Variants in SPATC1 observed in about 807,000 individuals in gnomAD.
The protein encoded by SPATC1 is speriolin.
Under a neutral mutation model 36.5 loss-of-function variants are expected in SPATC1, and 35 were observed. The observed-to-expected ratio is 0.96, with a 90% confidence interval of 0.73 to 1.27. The LOEUF is 1.27. SPATC1 is among the 50% of genes most tolerant of loss of function. The pLI is 0.00. For missense variants in SPATC1, 779 were observed against 796.0 expected (o/e 0.98, Z 0.26); for synonymous variants, 361 against 353.6 (o/e 1.02, Z -0.24).
At chr8:144,011,157 A>C (rs1834279023), upstream of SPATC1, among the ~76,000 whole-genome samples, 1 of 152,116 alleles carries the variant, frequency 6.6e-6, no homozygotes, top group Non-Finnish European at 1.5e-5. The surrounding 1 kb of genome is among the most constrained non-coding windows in gnomAD (Gnocchi z 4.5). Context: ...AAATGTAACC[A>C]TCACTGACTG....
chr8:144,012,484 C>G lies in SPATC1; in HGVS notation c.-32C>G. On this transcript the variant is annotated 5_prime_UTR_variant, in exon 1 of 5. Coordinates refer to ENST00000377470, the MANE Select transcript of SPATC1 (RefSeq NM_198572.3). ...GCAGCCTCCAGGTGCAGTGCCCTCC[C>G]GTGGGCCGCACCCTTGCCACTGCCC... 6.5e-7 allele frequency: 1 copy of G among 1,544,790 alleles called. No homozygotes were observed. Among genetic ancestry groups the G allele is most frequent in the East Asian group, 2.4e-5 (1 of 40,890 alleles).
At chr8:144,024,220 C>G (rs1036718141) in intron 1 of SPATC1, among the ~76,000 whole-genome samples, 3 of 149,730 alleles carry the variant, frequency 2.0e-5, no homozygotes, top group Non-Finnish European at 4.5e-5. Context: ...ACCCTCTACC[C>G]TCAGGATGCT....
At chr8:144,035,104 G>A (rs1187475716) in intron 1 of SPATC1, among the ~76,000 whole-genome samples, 2 of 152,156 alleles carry the variant, frequency 1.3e-5, no homozygotes, top group Admixed American at 1.3e-4. Context: ...GTTGTGCCAA[G>A]GTTTTATCAT....
chr8:144,033,301 G>T (rs1412671230), intron 1 of SPATC1, among the ~76,000 whole-genome samples: 1 of 152,024 alleles, frequency 6.6e-6, no homozygotes, highest in Non-Finnish European at 1.5e-5. Flanking sequence ...GGGAGGCTGA[G>T]ACTGGAGAAT....
intron 3 of SPATC1, 61 bp downstream of exon 3, chr8:144,041,168 C>G: frequency 6.3e-7 from 1 of 1,598,736 alleles, no homozygotes. Flanking sequence ...TGCCGCCTGC[C>G]TGGGCTGCTG....
intron 1 of SPATC1, among the ~76,000 whole-genome samples, chr8:144,029,118 A>C (rs1005059937): frequency 5.9e-5 from 8 of 136,726 alleles, no homozygotes; most frequent in Admixed American, 2.3e-4. Flanking sequence ...TACTTGGGTG[A>C]TGTGTTGATA....
intron 1 of SPATC1, among the ~76,000 whole-genome samples, chr8:144,014,374 AGAG>A (rs1156742475): frequency 6.4e-5 from 9 of 141,028 alleles, no homozygotes; most frequent in African/African-American, 1.1e-4. Flanking sequence ...GAAGGAAAAG[AGAG>A]GAGGAGGAGG....
chr8:144,016,797 G>T lies in SPATC1; in HGVS notation c.211+4071G>T, dbSNP rs551054337. Reference sequence around the variant, plus strand: ...ACTACGGGCATGCACCAGCACACCCGGCTAATTTTGTATTTTGTTAGTAGA... The same window carrying T: ...ACTACGGGCATGCACCAGCACACCCTGCTAATTTTGTATTTTGTTAGTAGA... On this transcript the variant is annotated intron_variant, in intron 1 of 4. Transcript: ENST00000377470. The surrounding 1 kb of genome is among the most constrained non-coding windows in gnomAD (Gnocchi z 4.5). Among the ~76,000 whole-genome samples the T allele has an allele frequency of 6.6e-6, 1 of 152,106 alleles. No individual in the cohort carries two copies. The highest frequency in any genetic ancestry group is 1.9e-4 in the East Asian group (1 of 5,178).
At chr8:144,015,344 C>T (rs1554753031) in intron 1 of SPATC1, among the ~76,000 whole-genome samples, 1 of 151,296 alleles carries the variant, frequency 6.6e-6, no homozygotes, top group Admixed American at 6.6e-5. Context: ...AGCCACCACG[C>T]CCAGCACAGG....
intron 1 of SPATC1, among the ~76,000 whole-genome samples, chr8:144,026,405 G>A (rs941863726): frequency 6.6e-6 from 1 of 152,070 alleles, no homozygotes; most frequent in Non-Finnish European, 1.5e-5. Context: ...GAATAATGCC[G>A]CTATGAACAT....
In SPATC1 at chr8:144,042,311, ATTTTTT is replaced by A. The variant is rs1184651892; in HGVS notation, c.1446+960_1446+965del. 2.1e-3 allele frequency among the ~76,000 whole-genome samples: 50 copies of A among 23,864 alleles called. 2 individuals carry two copies. The Admixed American group carries it at 0.029, about 14-fold the overall frequency. 15.7% of individuals were successfully genotyped at this position (23,864 alleles called of 152,430 possible). ...TATATATATATATATATATATATAT[ATTTTTT>A]TTTTTTTTTTTTTTTTTTTGAGTTG... On this transcript the variant is annotated intron_variant, in intron 4 of 4. Transcript: ENST00000377470.
In SPATC1 at chr8:144,031,450, CTTT is replaced by C. The variant is rs1176896425; in HGVS notation, c.212-8442_212-8440del. On this transcript the variant is annotated intron_variant, in intron 1 of 4. Coordinates refer to ENST00000377470, the MANE Select transcript of SPATC1 (RefSeq NM_198572.3). ...CTTGCTGCTATCAAGATTTTTTTTTCTTTTTTTTTTTTTTTTTTTAGAGAGATA... is the reference window on the plus strand; with the variant it reads ...CTTGCTGCTATCAAGATTTTTTTTTCTTTTTTTTTTTTTTTTAGAGAGATA... 4.7e-3 allele frequency among the ~76,000 whole-genome samples: 543 copies of C among 116,682 alleles called. 4 individuals carry two copies. The highest frequency in any genetic ancestry group is 0.017 in the African/African-American group (525 of 31,128). The allele number at this position is 116,682 out of a possible 152,430, so 76.5% of individuals were successfully genotyped here. A position where few individuals can be genotyped will look rare whatever the true frequency, so the allele number is the denominator to read the frequency against.
rs1287186962 is a variant in SPATC1 at position 144,016,019 on chromosome 8, G to A, written c.211+3293G>A. Among the ~76,000 whole-genome samples the A allele has an allele frequency of 2.1e-5, 3 of 146,128 alleles. No individual in the cohort carries two copies. The highest frequency in any genetic ancestry group is 7.7e-5 in the African/African-American group (3 of 39,186). ...GGAGCTTGCAGTGAGCAGAGATGGC[G>A]CCACTGCACTCCAGCCTGGGCTGGA... On this transcript the variant is annotated intron_variant, in intron 1 of 4. Coordinates refer to ENST00000377470, the MANE Select transcript of SPATC1 (RefSeq NM_198572.3). This position sits in a 1 kb window ranked among gnomAD's most constrained non-coding sequence, Gnocchi z 4.5.
intron 1 of SPATC1, 40 bp downstream of exon 1, chr8:144,012,766 G>A: frequency 6.5e-7 from 1 of 1,546,652 alleles, no homozygotes; most frequent in South Asian, 1.2e-5. Flanking sequence ...GAGGGAAGTG[G>A]GGACTGCACC....
At chr8:144,038,057 G>GT (rs1257607276) in intron 1 of SPATC1, among the ~76,000 whole-genome samples, 39 of 151,866 alleles carry the variant, frequency 2.6e-4, no homozygotes, top group African/African-American at 8.9e-4. Context: ...AACCCCGGGG[G>GT]GCGGAGCCTT....
intron 1 of SPATC1, among the ~76,000 whole-genome samples, chr8:144,015,097 T>A (rs1554752988): frequency 6.6e-6 from 1 of 152,042 alleles, no homozygotes; most frequent in East Asian, 1.9e-4. Context: ...TGGAGTGCAG[T>A]GGCACAATAT....
At position 144,015,088 on chromosome 8, in the gene SPATC1, G is replaced by A. The variant is rs1834357330; in HGVS notation, c.211+2362G>A. Among the ~76,000 whole-genome samples, 4 of 151,476 alleles carry A rather than the reference G, an allele frequency of 2.6e-5. No individual in the cohort carries two copies. In the South Asian group the frequency reaches 8.4e-4, roughly 32 times the overall value. The stretch of plus-strand genomic sequence containing the variant: ...AGAGTCTTGCTCTGTCACCCAGGCT[G>A]GAGTGCAGTGGCACAATATCAGCTC... On this transcript the variant is annotated intron_variant, in intron 1 of 4. Transcript: ENST00000377470.
At chr8:144,042,990 A>AT (rs1287009285) in intron 4 of SPATC1, among the ~76,000 whole-genome samples, 14,320 of 118,018 alleles carry the variant, frequency 0.12, 2,665 homozygotes, top group African/African-American at 0.4. Context: ...ACACCTGGCT[A>AT]TTTTTTTTTT....
chr8:144,029,207 A>AAT lies in SPATC1; in HGVS notation c.212-10701_212-10700insTA, dbSNP rs1309407788. Among the ~76,000 whole-genome samples, 147 of 146,478 alleles carry AAT rather than the reference A, an allele frequency of 1.0e-3. 2 individuals carry two copies. The highest frequency in any genetic ancestry group is 3.7e-3 in the African/African-American group (142 of 38,270). On this transcript the variant is annotated intron_variant, in intron 1 of 4. Transcript: ENST00000377470. ...CTACACATGTACCCCAGAACTAAAAAAAAAAAAAAAAAAAAAAAAAAAAAA... is the reference window on the plus strand; with the variant it reads ...CTACACATGTACCCCAGAACTAAAAAATAAAAAAAAAAAAAAAAAAAAAAAAA...
Sources: allele counts gnomAD v4.1 joint callset (sites outside exome capture counted in the v4.1 genomes callset), GRCh38; gene constraint gnomAD v4.1.1; non-coding constraint Gnocchi (gnomAD v3.1); transcripts MANE v1.5; gene names NCBI Gene and HGNC (gene_info 2026-07-23, HGNC 2026-07-21).